Variants in ANKRD33B observed in about 807,000 individuals in gnomAD.
The protein encoded by ANKRD33B is ankyrin repeat domain-containing protein 33B.
In ANKRD33B, 6 loss-of-function variants were observed where a neutral mutation model predicts 21.5. That is an observed-to-expected ratio of 0.28 (90% CI 0.15 to 0.55). ANKRD33B has a LOEUF of 0.55. ANKRD33B is among the 20% of genes least tolerant of loss of function. The pLI is 0.94. For missense variants in ANKRD33B, 698 were observed against 747.2 expected, an observed-to-expected ratio of 0.93 and a Z score of 0.77; for synonymous variants, 347 against 342.4, an observed-to-expected ratio of 1.01 and a Z score of -0.15.
intron 1 of ANKRD33B, among the ~76,000 whole-genome samples, chr5:10,570,701 T>C (rs962746405): frequency 3.9e-5 from 6 of 151,990 alleles, no homozygotes; most frequent in Admixed American, 1.3e-4. Flanking sequence ...GGACTATAGG[T>C]GCACACCTCC....
At chr5:10,569,078 A>G (rs945758147) in intron 1 of ANKRD33B, among the ~76,000 whole-genome samples, 2 of 152,228 alleles carry the variant, frequency 1.3e-5, no homozygotes, top group Non-Finnish European at 2.9e-5. Flanking sequence ...CGAAAGATTT[A>G]TAAGCTCCAG....
intron 1 of ANKRD33B, 51 bp from the exon 2 acceptor site, chr5:10,618,282 C>T (rs563682936): frequency 6.5e-7 from 1 of 1,535,288 alleles, no homozygotes; most frequent in Non-Finnish European, 8.7e-7. Context: ...AGTGCTGACC[C>T]ACCATGCTCC....
chr5:10,623,949 T>G (rs374593682), intron 2 of ANKRD33B, among the ~76,000 whole-genome samples: 16 of 152,268 alleles, frequency 1.1e-4, no homozygotes, highest in African/African-American at 3.9e-4. Flanking sequence ...GCAAGGAAAT[T>G]AGAGGTGAAT....
At chr5:10,589,384 C>T (rs1348740462) in intron 1 of ANKRD33B, among the ~76,000 whole-genome samples, 1 of 152,192 alleles carries the variant, frequency 6.6e-6, no homozygotes, top group East Asian at 1.9e-4. Context: ...CTGCACCTGA[C>T]TACACCAAGC....
Position 10,651,736 on chromosome 5 carries a change from G to A in ANKRD33B, c.*1623G>A, listed in dbSNP as rs970310107. The stretch of plus-strand genomic sequence containing the variant: ...GTGTCTGTCTCAGGATGCAGGCAGG[G>A]CTGGTGCAGGCTTCTCCATACTCCC... On this transcript the variant is annotated 3_prime_UTR_variant, in exon 4 of 4. Coordinates refer to ENST00000296657, the MANE Select transcript of ANKRD33B (RefSeq NM_001164440.2). The A allele has an allele frequency of 4.6e-5, 7 of 152,338 alleles. No individual in the cohort carries two copies. The highest frequency in any genetic ancestry group is 1.4e-4 in the African/African-American group (6 of 41,414). 9.4% of individuals were successfully genotyped at this position (152,338 alleles called of 1,614,324 possible). A position where few individuals can be genotyped will look rare whatever the true frequency, so the allele number is the denominator to read the frequency against.
At position 10,652,755 on chromosome 5, in the gene ANKRD33B, A is replaced by T. The variant is rs1737389477; in HGVS notation, c.*2642A>T. On this transcript the variant is annotated 3_prime_UTR_variant, in exon 4 of 4. Coordinates refer to ENST00000296657, the MANE Select transcript of ANKRD33B (RefSeq NM_001164440.2). This position sits in a 1 kb window ranked among gnomAD's most constrained non-coding sequence, Gnocchi z 4.1. ...TGGACGTGTTGCGGCCCTGCCCCCG[A>T]TGTGTTCCAGCCTCATCCAGGTGCA... 9.2e-6 allele frequency: 2 copies of T among 216,680 alleles called. No homozygotes were observed. Among genetic ancestry groups the T allele is most frequent in the African/African-American group, 2.3e-5 (1 of 43,420 alleles). 13.4% of individuals were successfully genotyped at this position (216,680 alleles called of 1,614,324 possible).
intron 2 of ANKRD33B, among the ~76,000 whole-genome samples, chr5:10,632,018 G>A (rs191986881): frequency 4.6e-5 from 7 of 152,236 alleles, no homozygotes; most frequent in Middle Eastern, 6.8e-3. Context: ...AAAGCCTCAC[G>A]GTTAGCAAGG....
In ANKRD33B at chr5:10,651,474, T is replaced by C. The variant is rs1737355774; in HGVS notation, c.*1361T>C. 6.6e-6 allele frequency: 1 copy of C among 152,126 alleles called. No individual in the cohort carries two copies. The highest frequency in any genetic ancestry group is 2.4e-5 in the African/African-American group (1 of 41,364). The allele number at this position is 152,126 out of a possible 1,614,324, so 9.4% of individuals were successfully genotyped here. ...AGGGGGTTTTCTGCATAATTTTGTATTTGTAATCATTATCAGATTTGCAGC... is the reference window on the plus strand; with the variant it reads ...AGGGGGTTTTCTGCATAATTTTGTACTTGTAATCATTATCAGATTTGCAGC... On this transcript the variant is annotated 3_prime_UTR_variant, in exon 4 of 4. Coordinates refer to ENST00000296657, the MANE Select transcript of ANKRD33B (RefSeq NM_001164440.2).
chr5:10,649,113 A>G (rs1162142146), intron 3 of ANKRD33B, among the ~76,000 whole-genome samples, 153 bp from the exon 4 acceptor site: 10 of 147,040 alleles, frequency 6.8e-5, no homozygotes, highest in Admixed American at 2.7e-4. Flanking sequence ...AGATGAGCAC[A>G]GGGTTCGCAG....
rs373764743 is a variant in ANKRD33B, at chr5:10,602,023, T to G, written c.367-16310T>G. Among the ~76,000 whole-genome samples the G allele has an allele frequency of 5.9e-4, 90 of 152,366 alleles. 2 individuals are homozygous for G. In the South Asian group the frequency reaches 0.018, roughly 30 times the overall value. ...AGGTAAGAATTTATTTGGATTTATA[T>G]ATAGCAGAGACTGGGCAAGACAAGA... On this transcript the variant is annotated intron_variant, in intron 1 of 3. Transcript: ENST00000296657.
chr5:10,647,276 T>G (rs142787149), intron 3 of ANKRD33B, among the ~76,000 whole-genome samples: 1 of 152,026 alleles, frequency 6.6e-6, no homozygotes, highest in Non-Finnish European at 1.5e-5. Context: ...AGCTAATTTT[T>G]TGTGTGTTTT....
At chr5:10,606,626 C>T (rs561818847) in intron 1 of ANKRD33B, among the ~76,000 whole-genome samples, 3 of 151,942 alleles carry the variant, frequency 2.0e-5, no homozygotes, top group East Asian at 2.0e-4. Flanking sequence ...CCCAGCTACT[C>T]GGGAGGCTGA....
At chr5:10,624,514 C>T (rs1236454632) in intron 2 of ANKRD33B, among the ~76,000 whole-genome samples, 2 of 152,220 alleles carry the variant, frequency 1.3e-5, no homozygotes, top group South Asian at 2.1e-4. Flanking sequence ...TGTGTGCACC[C>T]ACCCTCTGGC....
chr5:10,590,927 T>G (rs1735671625), intron 1 of ANKRD33B, among the ~76,000 whole-genome samples: 1 of 152,178 alleles, frequency 6.6e-6, no homozygotes, highest in African/African-American at 2.4e-5. Context: ...GGAAACTGGA[T>G]GCCTCCAAAT....
chr5:10,571,496 CT>C (rs1314824361), intron 1 of ANKRD33B, among the ~76,000 whole-genome samples: 2 of 152,196 alleles, frequency 1.3e-5, no homozygotes, highest in Non-Finnish European at 2.9e-5. Context: ...GCCACCGCCC[CT>C]GGCCTCTTGA....
chr5:10,587,503 T>C (rs957419812), intron 1 of ANKRD33B, among the ~76,000 whole-genome samples: 3 of 151,936 alleles, frequency 2.0e-5, no homozygotes, highest in Non-Finnish European at 2.9e-5. Context: ...TCGGACAACA[T>C]TGAATAGTAA....
At chr5:10,582,730 G>GA (rs971169514) in intron 1 of ANKRD33B, among the ~76,000 whole-genome samples, 4 of 152,102 alleles carry the variant, frequency 2.6e-5, no homozygotes, top group Non-Finnish European at 5.9e-5. Flanking sequence ...TCCCTCCTTT[G>GA]ACTGCAAGGC....
chr5:10,597,624 A>G (rs766158107), intron 1 of ANKRD33B, among the ~76,000 whole-genome samples: 83 of 152,186 alleles, frequency 5.5e-4, no homozygotes, highest in Non-Finnish European at 9.7e-4. Flanking sequence ...ACAATATTAG[A>G]TCATCAAGAC....
intron 2 of ANKRD33B, among the ~76,000 whole-genome samples, chr5:10,623,255 G>A (rs1293718127): frequency 6.6e-6 from 1 of 152,194 alleles, no homozygotes; most frequent in African/African-American, 2.4e-5. Flanking sequence ...CCTTCTATCT[G>A]TGGGGCATTG....
Sources: gnomAD v4.1 joint callset for allele counts (sites outside exome capture counted in the v4.1 genomes callset) on GRCh38, gnomAD v4.1.1 for gene constraint, Gnocchi (gnomAD v3.1) non-coding constraint, MANE v1.5 for transcripts, NCBI Gene and HGNC (gene_info 2026-07-23, HGNC 2026-07-21) for gene names.